INPP4B: variants seen among roughly 807,000 people sequenced by gnomAD.
INPP4B encodes inositol polyphosphate 4-phosphatase type II.
In INPP4B, 55 loss-of-function variants were observed where a neutral mutation model predicts 122.5. The ratio of observed to expected loss-of-function variants is 0.45; its 90% confidence interval spans 0.36 to 0.56. The LOEUF is 0.56. Among genes scored for constraint, INPP4B ranks in the 20% least tolerant of loss-of-function variants. INPP4B has a pLI of 0.00. For synonymous variants in INPP4B, 403 were observed against 388.7 expected (o/e 1.04, Z -0.43); for missense variants, 1,000 against 1,097.7 (o/e 0.91, Z 1.26).
chr4:142,055,596 T>C (rs1360210760), intron 25 of INPP4B, among the ~76,000 whole-genome samples: 2 of 152,130 alleles, frequency 1.3e-5, no homozygotes, highest in Admixed American at 1.3e-4. Flanking sequence ...TGTCATATCC[T>C]AGGGCATCAG....
intron 2 of INPP4B, among the ~76,000 whole-genome samples, chr4:142,478,964 A>G (rs1177614661): frequency 6.6e-6 from 1 of 152,200 alleles, no homozygotes; most frequent in African/African-American, 2.4e-5. Context: ...AAAAATTGAC[A>G]AATGAGACCT....
chr4:142,598,702 C>G (rs915704250), intron 2 of INPP4B, among the ~76,000 whole-genome samples: 3 of 152,192 alleles, frequency 2.0e-5, no homozygotes, highest in African/African-American at 7.2e-5. Flanking sequence ...CTGAGACAAG[C>G]AACCCCAACC....
chr4:142,050,140 A>AT (rs1446276400), intron 25 of INPP4B, among the ~76,000 whole-genome samples: 1 of 151,864 alleles, frequency 6.6e-6, no homozygotes, highest in Admixed American at 6.6e-5. Context: ...TTTTGAATTC[A>AT]TTTTTTCTAA....
intron 12 of INPP4B, among the ~76,000 whole-genome samples, chr4:142,213,700 G>C (rs1168463608): frequency 6.6e-6 from 1 of 152,070 alleles, no homozygotes; most frequent in Non-Finnish European, 1.5e-5. Flanking sequence ...CAGATTATTA[G>C]CTCTGCCAAT....
At chr4:142,693,645 C>T (rs1760569111) in intron 2 of INPP4B, among the ~76,000 whole-genome samples, 1 of 151,500 alleles carries the variant, frequency 6.6e-6, no homozygotes, top group Non-Finnish European at 1.5e-5. Context: ...AGGTGCTTTT[C>T]CTCACCTTCT....
rs933382433 is a variant in INPP4B, at chr4:142,028,249, A to G, written c.*533T>C. Reference sequence around the variant, plus strand: ...AGAGATCATTGTGGAACATACCTGCAAACTGCCTCAGTATTCCAGATCATG... The same window carrying G: ...AGAGATCATTGTGGAACATACCTGCGAACTGCCTCAGTATTCCAGATCATG... On this transcript the variant is annotated 3_prime_UTR_variant, in exon 26 of 26. Transcript: ENST00000262992. 1.8e-5 allele frequency: 4 copies of G among 227,176 alleles called. No homozygotes were observed. The highest frequency in any genetic ancestry group is 1.1e-4 in the Admixed American group (2 of 17,702). The allele number at this position is 227,176 out of a possible 1,614,324, so 14.1% of individuals were successfully genotyped here.
chr4:142,619,556 G>A (rs917965915), intron 2 of INPP4B, among the ~76,000 whole-genome samples: 1 of 151,978 alleles, frequency 6.6e-6, no homozygotes, highest in Non-Finnish European at 1.5e-5. Flanking sequence ...TTATATAAAA[G>A]GTTCAAACAC....
At chr4:142,030,371 G>C in intron 25 of INPP4B, 1 of 1,340,382 alleles carries the variant, frequency 7.5e-7, no homozygotes, top group Non-Finnish European at 1.0e-6. Flanking sequence ...AAAAAATTCA[G>C]CCTTAAATAT....
At chr4:142,100,666 G>T (rs2152638686) in intron 23 of INPP4B, among the ~76,000 whole-genome samples, 1 of 152,104 alleles carries the variant, frequency 6.6e-6, no homozygotes, top group East Asian at 1.9e-4. Flanking sequence ...GATCTTGTTT[G>T]CAGGTTAACC....
At chr4:142,155,697 T>A (rs13152233) in intron 17 of INPP4B, among the ~76,000 whole-genome samples, 13,348 of 152,092 alleles carry the variant, frequency 0.088, 800 homozygotes, top group South Asian at 0.2. Context: ...AGCATTCACA[T>A]CTGCTGTAGG....
chr4:142,343,429 C>T (rs1272909979), intron 7 of INPP4B, among the ~76,000 whole-genome samples: 3 of 151,648 alleles, frequency 2.0e-5, no homozygotes, highest in Non-Finnish European at 4.4e-5. Context: ...TCTAATGGAT[C>T]ATAAGAATAT....
rs766650822 is a variant in INPP4B at position 142,124,649 on chromosome 4, G to C, written c.1832C>G (p.Ala611Gly). The C allele has an allele frequency of 1.2e-6, 2 of 1,613,480 alleles. No homozygotes were observed. Among genetic ancestry groups the C allele is most frequent in the South Asian group, 1.1e-5 (1 of 91,070 alleles). ...CATCAGACACTGGGGCAAGCTGTAC[G>C]CAAGTTCCTGAAGGAGCACAAATGT... is the stretch of plus-strand genomic sequence containing the variant. ...SLTFVLLQELAYSLPQCLMLT... is the reference protein window; with the variant it reads ...SLTFVLLQELGYSLPQCLMLT... Residue 611 changes from alanine to glycine, a missense_variant, in exon 19 of 26, where the codon GCG (alanine) becomes GGG (glycine). By Grantham distance (60) the Ala-to-Gly change is moderately conservative. Coordinates refer to ENST00000262992, the MANE Select transcript of INPP4B (RefSeq NM_001101669.3).
chr4:142,802,143 G>A (rs556458588), intron 1 of INPP4B, among the ~76,000 whole-genome samples: 7 of 152,212 alleles, frequency 4.6e-5, no homozygotes, highest in Admixed American at 3.3e-4. Flanking sequence ...AGCCTACCCA[G>A]AAGACATTTC....
At chr4:142,202,747 C>A (rs935429587) in intron 14 of INPP4B, 1 of 983,330 alleles carries the variant, frequency 1.0e-6, no homozygotes, top group Non-Finnish European at 1.2e-6. Flanking sequence ...TACCAATTTG[C>A]GGAATCCCAC....
intron 9 of INPP4B, among the ~76,000 whole-genome samples, chr4:142,272,684 C>T (rs3102442): frequency 0.91 from 138,207 of 151,970 alleles, 63,083 homozygotes; most frequent in East Asian, 0.96. Context: ...GAATATGACA[C>T]AATAACTTGT....
chr4:142,089,466 CACACACACACACACAG>C (rs1158042682), intron 23 of INPP4B, among the ~76,000 whole-genome samples: 21 of 107,576 alleles, frequency 2.0e-4, no homozygotes, highest in Non-Finnish European at 3.0e-4. Flanking sequence ...CACACACACA[CACACACACACACACAG>C]AGAGAGAGAG....
At chr4:142,450,278 C>T (rs1163948703) in intron 3 of INPP4B, among the ~76,000 whole-genome samples, 1 of 152,140 alleles carries the variant, frequency 6.6e-6, no homozygotes, top group African/African-American at 2.4e-5. Flanking sequence ...TGGAGGTTAG[C>T]AAGGACAGTT....
rs769812813 is a variant in INPP4B, at chr4:142,145,824, A to G, written c.1720+16T>C. On this transcript the variant is annotated intron_variant, in intron 18 of 25. Transcript: ENST00000262992. The stretch of plus-strand genomic sequence containing the variant: ...GTTTACTCAGTAAATGATTGGGAAA[A>G]AAAATTATTTCTTACCTCTTGGGTG... 3 of 1,610,612 alleles carry G rather than the reference A, an allele frequency of 1.9e-6. No homozygotes were observed. The highest frequency in any genetic ancestry group is 2.5e-6 in the Non-Finnish European group (3 of 1,178,448).
chr4:142,202,338 CA>C (rs369538218), intron 14 of INPP4B, among the ~76,000 whole-genome samples: 7 of 152,032 alleles, frequency 4.6e-5, no homozygotes, highest in African/African-American at 1.7e-4. Flanking sequence ...ACGCTGACCT[CA>C]TATCAAGGAA....
Sources: gnomAD v4.1 joint callset for allele counts (sites outside exome capture counted in the v4.1 genomes callset) on GRCh38, gnomAD v4.1.1 for gene constraint, MANE v1.5 for transcripts, NCBI Gene and HGNC (gene_info 2026-07-23, HGNC 2026-07-21) for gene names.